Variants in FAM171B observed in about 807,000 individuals in gnomAD.
FAM171B encodes the protein family with sequence similarity 171 member B, also known as protein FAM171B.
FAM171B carries 19 observed loss-of-function variants against 75.6 expected under a neutral mutation model. The ratio of observed to expected loss-of-function variants is 0.25; its 90% CI spans 0.18 to 0.37. The LOEUF is 0.37. FAM171B is among the 10% of genes least tolerant of loss of function. The probability of loss-of-function intolerance (pLI) is 1.00; values close to 1 mark genes in which losing one functional copy is unlikely to be tolerated. For synonymous variants in FAM171B, 367 were observed against 361.7 expected (o/e 1.01, Z -0.17); for missense variants, 848 against 982.4 (o/e 0.86, Z 1.83).
chr2:186,699,251 A>G (rs1393463722), intron 1 of FAM171B, among the ~76,000 whole-genome samples: 1 of 152,116 alleles, frequency 6.6e-6, no homozygotes, highest in East Asian at 1.9e-4. Flanking sequence ...CCAGTGGTGT[A>G]CAAGGGTTTC....
At chr2:186,706,153 T>C (rs2594704) in intron 1 of FAM171B, among the ~76,000 whole-genome samples, 141,697 of 152,178 alleles carry the variant, frequency 0.93, 66,547 homozygotes, top group Middle Eastern at 1. Context: ...GAGGGCTTAC[T>C]CTGGTTGTTA....
At chr2:186,754,112 C>T (rs955589290) in intron 6 of FAM171B, 63 bp downstream of exon 6, 1 of 1,219,374 alleles carries the variant, frequency 8.2e-7, no homozygotes, top group Non-Finnish European at 1.2e-6. Flanking sequence ...GAACGGATAG[C>T]AGCAGACCTC....
intron 1 of FAM171B, among the ~76,000 whole-genome samples, chr2:186,712,605 T>C (rs1689824902): frequency 6.6e-6 from 1 of 152,226 alleles, no homozygotes. Context: ...CATATTAATA[T>C]ACTGAAGTAC....
chr2:186,701,294 G>A (rs1288538556), intron 1 of FAM171B, among the ~76,000 whole-genome samples: 1 of 152,098 alleles, frequency 6.6e-6, no homozygotes, highest in Non-Finnish European at 1.5e-5. Context: ...TAGTGAAATA[G>A]TTAACTATAG....
chr2:186,727,992 A>G (rs577728802), intron 1 of FAM171B, among the ~76,000 whole-genome samples: 130 of 152,090 alleles, frequency 8.5e-4, no homozygotes, highest in Non-Finnish European at 1.8e-3. Context: ...CTCTGAATAG[A>G]CCCCAAAGAA....
At chr2:186,713,303 T>C (rs1171512367) in intron 1 of FAM171B, among the ~76,000 whole-genome samples, 3 of 152,224 alleles carry the variant, frequency 2.0e-5, no homozygotes, top group Admixed American at 6.5e-5. Flanking sequence ...GCATGGACTT[T>C]AGTGTGATGG....
At chr2:186,751,329 C>A in intron 5 of FAM171B, 25 bp downstream of exon 5, 1 of 1,485,572 alleles carries the variant, frequency 6.7e-7, no homozygotes, top group Non-Finnish European at 9.0e-7. Flanking sequence ...TTAAAATAGT[C>A]TGAATATTTT....
At chr2:186,748,747 A>C (rs1040751489) in intron 4 of FAM171B, among the ~76,000 whole-genome samples, 2 of 152,176 alleles carry the variant, frequency 1.3e-5, no homozygotes, top group Non-Finnish European at 2.9e-5. Context: ...TTACTTACCA[A>C]ATAAACTATT....
chr2:186,717,184 A>G (rs1275344665), intron 1 of FAM171B, among the ~76,000 whole-genome samples: 1 of 152,228 alleles, frequency 6.6e-6, no homozygotes, highest in Non-Finnish European at 1.5e-5. Flanking sequence ...TAACTGAAAC[A>G]ATTACTCTTC....
intron 1 of FAM171B, among the ~76,000 whole-genome samples, chr2:186,704,292 T>C (rs755170002): frequency 1.3e-5 from 2 of 152,170 alleles, no homozygotes; most frequent in Non-Finnish European, 2.9e-5. Flanking sequence ...TAATGCTATT[T>C]ACAATAAAGC....
chr2:186,722,408 A>G (rs1243295896), intron 1 of FAM171B, among the ~76,000 whole-genome samples: 1 of 152,160 alleles, frequency 6.6e-6, no homozygotes, highest in Non-Finnish European at 1.5e-5. Flanking sequence ...AAGATATGGA[A>G]CCACTAAAAA....
intron 5 of FAM171B, among the ~76,000 whole-genome samples, chr2:186,752,081 C>T (rs1017394970): frequency 6.6e-6 from 1 of 152,130 alleles, no homozygotes; most frequent in African/African-American, 2.4e-5. Context: ...GGTGCTCTAA[C>T]GTTATACTTT....
intron 3 of FAM171B, among the ~76,000 whole-genome samples, chr2:186,744,320 G>A (rs930016567): frequency 1.3e-5 from 2 of 152,072 alleles, no homozygotes; most frequent in Non-Finnish European, 2.9e-5. Context: ...CAGTAAGAGC[G>A]TCATGGTAAA....
intron 4 of FAM171B, among the ~76,000 whole-genome samples, chr2:186,748,938 C>G (rs377161619): frequency 1.4e-4 from 21 of 152,222 alleles, no homozygotes; most frequent in East Asian, 9.7e-4. Context: ...ACAAGACTCA[C>G]TAGATTCAGT....
chr2:186,733,578 A>G (rs1242541177), intron 1 of FAM171B, among the ~76,000 whole-genome samples: 1 of 152,148 alleles, frequency 6.6e-6, no homozygotes, highest in Non-Finnish European at 1.5e-5. Context: ...AGCTCACACT[A>G]CTGGCCTGGA....
chr2:186,742,652 A>G (rs1690305115), intron 2 of FAM171B, among the ~76,000 whole-genome samples: 1 of 152,200 alleles, frequency 6.6e-6, no homozygotes, highest in Non-Finnish European at 1.5e-5. Context: ...TATTAATTTT[A>G]AATACACAGC....
At chr2:186,706,461 A>G (rs568272776) in intron 1 of FAM171B, among the ~76,000 whole-genome samples, 2 of 152,242 alleles carry the variant, frequency 1.3e-5, no homozygotes, top group Non-Finnish European at 2.9e-5. Flanking sequence ...AGTGAATGGC[A>G]GGGAGAATTT....
chr2:186,706,353 T>C (rs1173891518), intron 1 of FAM171B, among the ~76,000 whole-genome samples: 1 of 152,226 alleles, frequency 6.6e-6, no homozygotes, highest in African/African-American at 2.4e-5. Flanking sequence ...TAATATCATC[T>C]CTAAACTCAG....
intron 1 of FAM171B, among the ~76,000 whole-genome samples, chr2:186,716,973 G>A (rs992934358): frequency 6.6e-6 from 1 of 152,116 alleles, no homozygotes; most frequent in Admixed American, 6.6e-5. Flanking sequence ...TGTTAGGCAG[G>A]TGCTGTCATT....
Sources: allele counts gnomAD v4.1 joint callset (sites outside exome capture counted in the v4.1 genomes callset), GRCh38; gene constraint gnomAD v4.1.1; transcripts MANE v1.5; gene names NCBI Gene and HGNC (gene_info 2026-07-23, HGNC 2026-07-21).